The following SLC3A1 variants were observed in gnomAD, a reference collection of about 807,000 sequenced individuals.
The protein encoded by SLC3A1 is amino acid transporter heavy chain SLC3A1.
Under a neutral mutation model 60.3 loss-of-function variants are expected in SLC3A1, and 78 were observed. The observed-to-expected ratio is 1.29, with a 90% confidence interval of 1.08 to 1.56. SLC3A1 has a LOEUF of 1.56. Ranked by LOEUF, SLC3A1 falls within the 40% of genes most tolerant of loss-of-function variation. SLC3A1 has a pLI of 0.00. For synonymous variants in SLC3A1, 392 were observed against 307.9 expected (o/e 1.27, Z -2.86); for missense variants, 1,172 against 858.9 (o/e 1.36, Z -4.56).
At chr2:44,311,645 C>G (rs1259777199) in intron 7 of SLC3A1, among the ~76,000 whole-genome samples, 1 of 151,354 alleles carries the variant, frequency 6.6e-6, no homozygotes, top group Non-Finnish European at 1.5e-5. Context: ...AATTTTCTGG[C>G]CATAAACATA....
intron 9 of SLC3A1, chr2:44,319,918 T>G (rs981742521): frequency 5.4e-6 from 2 of 370,496 alleles, no homozygotes; most frequent in Non-Finnish European, 4.9e-6. Flanking sequence ...TTGGGACTCC[T>G]AAAGTGGAGT....
intron 6 of SLC3A1, 46 bp downstream of exon 6, chr2:44,301,173 G>C (rs1244706453): frequency 6.2e-6 from 10 of 1,611,912 alleles, no homozygotes; most frequent in Non-Finnish European, 8.5e-6. Flanking sequence ...CTTAGTGTGT[G>C]ATCTGCAGTG....
At chr2:44,301,294 G>T (rs1672000283) in intron 6 of SLC3A1, 167 bp downstream of exon 6, 2 of 866,010 alleles carry the variant, frequency 2.3e-6, no homozygotes, top group African/African-American at 1.7e-5. Flanking sequence ...TTCCTTTCCT[G>T]TTTGCTTATT....
At chr2:44,283,972 C>G (rs1382382011) in intron 3 of SLC3A1, among the ~76,000 whole-genome samples, 2 of 152,102 alleles carry the variant, frequency 1.3e-5, no homozygotes, top group Non-Finnish European at 2.9e-5. Flanking sequence ...CCATGGTTTA[C>G]TTATCCACTC....
chr2:44,299,881 AT>A (rs1671958489), intron 4 of SLC3A1, 89 bp from the exon 5 acceptor site: 1 of 1,318,642 alleles, frequency 7.6e-7, no homozygotes, highest in African/African-American at 1.4e-5. Flanking sequence ...CTGTTTTATG[AT>A]GCCAAGTTGT....
At chr2:44,285,847 G>A (rs1270542611) in intron 3 of SLC3A1, 185 bp from the exon 4 acceptor site, 23 of 743,312 alleles carry the variant, frequency 3.1e-5, no homozygotes, top group Non-Finnish European at 5.6e-5. Flanking sequence ...AACCATGTTT[G>A]TGAGGCATTA....
chr2:44,276,587 G>T (rs1671346707), intron 1 of SLC3A1, among the ~76,000 whole-genome samples: 1 of 151,916 alleles, frequency 6.6e-6, no homozygotes, highest in African/African-American at 2.4e-5. Flanking sequence ...TTAACCAGGG[G>T]TAGTGGCGCA....
intron 4 of SLC3A1, among the ~76,000 whole-genome samples, chr2:44,298,465 G>A (rs575103883): frequency 3.3e-5 from 5 of 152,078 alleles, no homozygotes; most frequent in South Asian, 4.2e-4. Flanking sequence ...TGCAACCTCC[G>A]ATTTTTAGGT....
At position 44,320,895 on chromosome 2, in the gene SLC3A1, C is replaced by CTGT; in HGVS notation, c.*256_*257insTGT. On this transcript the variant is annotated 3_prime_UTR_variant, in exon 10 of 10. Transcript: ENST00000260649. ...AGGGATGACCAGAACACATTAGGAC[C>CTGT]CCAGATTATTCAAAAACTTTAACGA... The CTGT allele has an allele frequency of 2.1e-6, 1 of 478,624 alleles. No individual in the cohort carries two copies. The highest frequency in any genetic ancestry group is 3.7e-6 in the Non-Finnish European group (1 of 267,858). The allele number at this position is 478,624 out of a possible 1,614,324, so 29.6% of individuals were successfully genotyped here. A position where few individuals can be genotyped will look rare whatever the true frequency, so the allele number is the denominator to read the frequency against.
In SLC3A1 at chr2:44,285,831, C is replaced by T. The variant is rs373578217; in HGVS notation, c.766-201C>T. 325 of 703,618 alleles carry T rather than the reference C, an allele frequency of 4.6e-4. 1 individual carries two copies. The highest frequency in any genetic ancestry group is 3.1e-3 in the Middle Eastern group (13 of 4,130). The allele number at this position is 703,618 out of a possible 1,614,324, so 43.6% of individuals were successfully genotyped here. On this transcript the variant is annotated intron_variant, in intron 3 of 9. Coordinates refer to ENST00000260649, the MANE Select transcript of SLC3A1 (RefSeq NM_000341.4). ...ACAAACAGCATCTACTGTAAAAATACGTTGCAACCATGTTTGTGAGGCATT... is the reference window on the plus strand; with the variant it reads ...ACAAACAGCATCTACTGTAAAAATATGTTGCAACCATGTTTGTGAGGCATT...
downstream of SLC3A1, among the ~76,000 whole-genome samples, chr2:44,322,280 A>G (rs2103677196): frequency 6.6e-6 from 1 of 152,304 alleles, no homozygotes; most frequent in African/African-American, 2.4e-5. Context: ...GTTTCAAGGC[A>G]AAAGGGAGGG....
intron 3 of SLC3A1, chr2:44,285,751 C>A: frequency 1.7e-6 from 1 of 598,488 alleles, no homozygotes; most frequent in Non-Finnish European, 3.2e-6. Flanking sequence ...AATGTCAGTT[C>A]CTTAAGTTGA....
In SLC3A1 at chr2:44,275,522, T is replaced by C; in HGVS notation, c.-14T>C. The stretch of plus-strand genomic sequence containing the variant: ...ACTGCAGGAAGGCACTCCGAAGACA[T>C]AAGTCGGTGAGACATGGCTGAAGAT... On this transcript the variant is annotated 5_prime_UTR_variant, in exon 1 of 10. Coordinates refer to ENST00000260649, the MANE Select transcript of SLC3A1 (RefSeq NM_000341.4). 1 of 1,612,604 alleles carries C rather than the reference T, an allele frequency of 6.2e-7. No individual in the cohort carries two copies. Among genetic ancestry groups the C allele is most frequent in the Admixed American group, 1.7e-5 (1 of 59,880 alleles).
intron 3 of SLC3A1, among the ~76,000 whole-genome samples, chr2:44,283,695 ATTTTCTAATGTAATAG>A: frequency 6.6e-6 from 1 of 152,120 alleles, no homozygotes; most frequent in Non-Finnish European, 1.5e-5. Flanking sequence ...TCAAGGTTGC[ATTTTCTAATGTAATAG>A]TTAATATGTT....
Position 44,320,182 on chromosome 2 carries a change from C to CT in SLC3A1, c.1618-11dup, listed in dbSNP as rs1558478193. On this transcript the variant is annotated splice_polypyrimidine_tract_variant and intron_variant, in intron 9 of 9. Transcript: ENST00000260649. ...TTAGAATCAAACACTTACGTAAATA[C>CT]TTTTTTAAAAAAATAGGTCCAAAAG... 6 of 1,599,660 alleles carry CT rather than the reference C, an allele frequency of 3.8e-6. No individual in the cohort carries two copies. The highest frequency in any genetic ancestry group is 3.4e-6 in the Non-Finnish European group (4 of 1,168,098).
At chr2:44,299,798 A>G (rs1245225052) in intron 4 of SLC3A1, among the ~76,000 whole-genome samples, 173 bp from the exon 5 acceptor site, 1 of 152,208 alleles carries the variant, frequency 6.6e-6, no homozygotes, top group Admixed American at 6.5e-5. Context: ...GTTAGAGTGC[A>G]TTTTAGTAAG....
intron 1 of SLC3A1, 84 bp from the exon 2 acceptor site, chr2:44,280,632 C>G: frequency 1.1e-6 from 1 of 951,732 alleles, no homozygotes; most frequent in South Asian, 1.5e-5. Flanking sequence ...GTAAATATTT[C>G]TATCTTAGGC....
intron 2 of SLC3A1, 133 bp from the exon 3 acceptor site, chr2:44,281,254 G>A (rs1671492599): frequency 5.2e-6 from 4 of 776,156 alleles, no homozygotes; most frequent in Non-Finnish European, 8.8e-6. Context: ...CACCTCCTGG[G>A]CTCAAGCAAT....
At chr2:44,308,004 G>C (rs1413915795) in intron 7 of SLC3A1, among the ~76,000 whole-genome samples, 1 of 152,126 alleles carries the variant, frequency 6.6e-6, no homozygotes, top group African/African-American at 2.4e-5. Flanking sequence ...GCTGGGCGTG[G>C]TGGCTCACAT....
Sources: allele counts gnomAD v4.1 joint callset (sites outside exome capture counted in the v4.1 genomes callset), GRCh38; gene constraint gnomAD v4.1.1; transcripts MANE v1.5; gene names NCBI Gene and HGNC (gene_info 2026-07-23, HGNC 2026-07-21).